Variants in MARCHF6 observed in about 807,000 individuals in gnomAD.
MARCHF6 encodes the protein membrane associated ring-CH-type finger 6.
MARCHF6 carries 31 observed loss-of-function variants against 133.7 expected under a neutral mutation model. The ratio of observed to expected loss-of-function variants is 0.23; its 90% CI spans 0.17 to 0.31. The LOEUF is 0.31. Among genes scored for constraint, MARCHF6 ranks in the 10% least tolerant of loss-of-function variants. The pLI, the probability that MARCHF6 is intolerant of heterozygous loss-of-function variation, is 1.00. For synonymous variants in MARCHF6, 395 were observed against 402.5 expected (o/e 0.98, Z 0.22); for missense variants, 723 against 1,121.6 (o/e 0.64, Z 5.08).
At chr5:10,369,044 A>G (rs1408394655) in intron 1 of MARCHF6, among the ~76,000 whole-genome samples, 1 of 152,110 alleles carries the variant, frequency 6.6e-6, no homozygotes, top group African/African-American at 2.4e-5. Flanking sequence ...GCTTGATGGA[A>G]GCTCCATCCC....
intron 18 of MARCHF6, 99 bp downstream of exon 18, chr5:10,410,375 T>C (rs1476768139): frequency 2.0e-5 from 28 of 1,379,548 alleles, no homozygotes; most frequent in Non-Finnish European, 2.6e-5. Flanking sequence ...TCAAGAAAAA[T>C]TAGTTTTAAT....
chr5:10,417,531 C>A lies in MARCHF6; in HGVS notation c.2283+127C>A, dbSNP rs1300659450. ...GAGGCTGAGGTGGGAGGACTGCTTG[C>A]ACCCAGGAGTTCGAGACCAGCCTGG... On this transcript the variant is annotated intron_variant, in intron 22 of 25. Coordinates refer to ENST00000274140, the MANE Select transcript of MARCHF6 (RefSeq NM_005885.4). 28 of 1,241,612 alleles carry A rather than the reference C, an allele frequency of 2.3e-5. No individual in the cohort carries two copies. In the East Asian group the frequency reaches 5.9e-4, roughly 26 times the overall value. 76.9% of individuals were successfully genotyped at this position (1,241,612 alleles called of 1,614,324 possible). A position where few individuals can be genotyped will look rare whatever the true frequency, so the allele number is the denominator to read the frequency against.
At chr5:10,366,703 A>G (rs984139499) in intron 1 of MARCHF6, among the ~76,000 whole-genome samples, 1 of 152,242 alleles carries the variant, frequency 6.6e-6, no homozygotes, top group African/African-American at 2.4e-5. Flanking sequence ...TTGGGTAGAA[A>G]GAGCAGGGGG....
chr5:10,422,396 AT>A (rs1420579714), intron 22 of MARCHF6, among the ~76,000 whole-genome samples: 3 of 152,224 alleles, frequency 2.0e-5, no homozygotes, highest in African/African-American at 7.2e-5. Context: ...GGCTCATGAG[AT>A]TTGGTAAGAT....
intron 22 of MARCHF6, among the ~76,000 whole-genome samples, chr5:10,421,467 T>C (rs533188839): frequency 1.3e-5 from 2 of 152,368 alleles, no homozygotes; most frequent in South Asian, 4.1e-4. Context: ...CCCAAGTTTT[T>C]GAAGGAACAG....
At chr5:10,361,844 A>G (rs983826716) in intron 1 of MARCHF6, among the ~76,000 whole-genome samples, 8 of 151,704 alleles carry the variant, frequency 5.3e-5, no homozygotes, top group Admixed American at 1.3e-4. Context: ...GCTCATGGCA[A>G]CCTCCGCCTC....
At chr5:10,430,995 G>C (rs1179256731) in intron 25 of MARCHF6, among the ~76,000 whole-genome samples, 1 of 152,214 alleles carries the variant, frequency 6.6e-6, no homozygotes, top group African/African-American at 2.4e-5. Flanking sequence ...ATCCATCTCA[G>C]TCGGCCAAGA....
chr5:10,425,136 T>C (rs1240973792), intron 23 of MARCHF6, among the ~76,000 whole-genome samples: 1 of 152,220 alleles, frequency 6.6e-6, no homozygotes, highest in Non-Finnish European at 1.5e-5. Context: ...CCAAGCATGC[T>C]CAAGAAAATC....
intron 24 of MARCHF6, among the ~76,000 whole-genome samples, chr5:10,428,562 G>C (rs1482931070): frequency 2.0e-5 from 3 of 151,938 alleles, no homozygotes; most frequent in African/African-American, 7.2e-5. Context: ...GGCTGGTCTT[G>C]AACTTCTGAC....
intron 10 of MARCHF6, among the ~76,000 whole-genome samples, chr5:10,398,289 T>A (rs186373621): frequency 6.6e-6 from 1 of 152,338 alleles, no homozygotes; most frequent in East Asian, 1.9e-4. Context: ...ACGTCTTTAA[T>A]AAGAAGCCAT....
At chr5:10,357,966 CTTTT>C (rs34017407) in intron 1 of MARCHF6, among the ~76,000 whole-genome samples, 2 of 108,514 alleles carry the variant, frequency 1.8e-5, no homozygotes, top group African/African-American at 3.3e-5. Flanking sequence ...GCATGGGTTG[CTTTT>C]TTTTTTTTTT....
rs563262619 is a variant in MARCHF6, at chr5:10,380,047, CAAAT to C, written c.190+1218_190+1221del. Among the ~76,000 whole-genome samples the C allele has an allele frequency of 1.7e-4, 26 of 152,098 alleles. No homozygotes were observed. The South Asian group carries it at 2.9e-3, about 17-fold the overall frequency. ...TATTAATATTTAATATGTTTTATCT[CAAAT>C]AAGTAGAGGACTGTGCTGGCAAGTT... On this transcript the variant is annotated intron_variant, in intron 3 of 25. Transcript: ENST00000274140.
At chr5:10,371,760 T>C (rs1449625774) in intron 1 of MARCHF6, among the ~76,000 whole-genome samples, 2 of 152,240 alleles carry the variant, frequency 1.3e-5, no homozygotes, top group Non-Finnish European at 2.9e-5. Context: ...TGCTTTTTTA[T>C]ACTTTTTTTT....
intron 22 of MARCHF6, among the ~76,000 whole-genome samples, chr5:10,422,523 A>G (rs1406510745): frequency 6.6e-6 from 1 of 152,202 alleles, no homozygotes; most frequent in Non-Finnish European, 1.5e-5. Context: ...ACTGAAAACC[A>G]TAAGATCAGA....
Position 10,440,152 on chromosome 5 carries a change from CTG to C in MARCHF6, c.*6469_*6470del, listed in dbSNP as rs1350343571. The C allele has an allele frequency of 1.3e-5, 2 of 152,202 alleles. No homozygotes were observed. Among genetic ancestry groups the C allele is most frequent in the Non-Finnish European group, 2.9e-5 (2 of 68,034 alleles). 9.4% of individuals were successfully genotyped at this position (152,202 alleles called of 1,614,324 possible). A position where few individuals can be genotyped will look rare whatever the true frequency, so the allele number is the denominator to read the frequency against. ...GCTCCAAAGATTTTATTTTTTTAAA[CTG>C]AATTATTACTGTATTCCCAGAACAA... On this transcript the variant is annotated 3_prime_UTR_variant, in exon 26 of 26. Transcript: ENST00000274140.
At chr5:10,387,583 G>A (rs572834094) in intron 5 of MARCHF6, among the ~76,000 whole-genome samples, 4 of 152,002 alleles carry the variant, frequency 2.6e-5, no homozygotes, top group Admixed American at 2.0e-4. Flanking sequence ...GATTACAGGC[G>A]TGAGCCACCG....
chr5:10,430,285 GTTTTTTTTTTTTGGTGGTGGT>G (rs1740300112), intron 25 of MARCHF6, among the ~76,000 whole-genome samples: 2 of 133,514 alleles, frequency 1.5e-5, no homozygotes, highest in African/African-American at 5.6e-5. Context: ...GGAGAGGGAG[GTTTTTTTTTTTTGGTGGTGGT>G]TTTTTTTTTT....
chr5:10,428,109 G>A (rs2934221), intron 24 of MARCHF6, among the ~76,000 whole-genome samples: 33,376 of 151,772 alleles, frequency 0.22, 5,394 homozygotes, highest in East Asian at 0.68. Context: ...GAGAGAGGCT[G>A]AGCAATGTAT....
At chr5:10,426,191 G>A (rs1003376462) in intron 23 of MARCHF6, among the ~76,000 whole-genome samples, 199 bp from the exon 24 acceptor site, 5 of 152,286 alleles carry the variant, frequency 3.3e-5, no homozygotes, top group East Asian at 3.9e-4. Flanking sequence ...ACTGCAGAGC[G>A]TTAGTGGGTA....
Sources: gnomAD v4.1 joint callset for allele counts (sites outside exome capture counted in the v4.1 genomes callset) on GRCh38, gnomAD v4.1.1 for gene constraint, MANE v1.5 for transcripts, NCBI Gene and HGNC (gene_info 2026-07-23, HGNC 2026-07-21) for gene names.